SNX10: variants seen among roughly 807,000 people sequenced by gnomAD.
The protein encoded by SNX10 is sorting nexin-10.
A neutral mutation model predicts 28.5 loss-of-function variants in SNX10; 25 were observed. That is an observed-to-expected ratio of 0.88 (90% confidence interval 0.64 to 1.22). SNX10 has a LOEUF of 1.22. Ranked by LOEUF, SNX10 falls within the 50% of genes most tolerant of loss-of-function variation. SNX10 has a pLI of 0.00. For synonymous variants in SNX10, 62 were observed against 81.4 expected, an observed-to-expected ratio of 0.76 and a Z score of 1.28; for missense variants, 223 against 242.6, an observed-to-expected ratio of 0.92 and a Z score of 0.54.
At chr7:26,339,489 G>A (rs1465067300) in intron 1 of SNX10, among the ~76,000 whole-genome samples, 1 of 149,082 alleles carries the variant, frequency 6.7e-6, no homozygotes, top group Non-Finnish European at 1.5e-5. Context: ...AGGCATTTAG[G>A]GTTTTTTTCT....
intron 1 of SNX10, among the ~76,000 whole-genome samples, chr7:26,323,016 G>A (rs985712338): frequency 1.3e-5 from 2 of 152,142 alleles, no homozygotes; most frequent in African/African-American, 4.8e-5. Flanking sequence ...GGGAGTTCGA[G>A]GCAGAAGGAT....
At chr7:26,342,731 T>G (rs1202519743) in intron 1 of SNX10, among the ~76,000 whole-genome samples, 1 of 152,212 alleles carries the variant, frequency 6.6e-6, no homozygotes, top group Non-Finnish European at 1.5e-5. Flanking sequence ...AGGTTGACCA[T>G]GATAGTTCAC....
intron 2 of SNX10, among the ~76,000 whole-genome samples, chr7:26,358,294 G>C (rs1788904232): frequency 6.6e-6 from 1 of 152,128 alleles, no homozygotes; most frequent in Non-Finnish European, 1.5e-5. Context: ...TTCCATCCCT[G>C]GGCAGAATCT....
At chr7:26,306,907 A>G (rs1282468125) in intron 1 of SNX10, among the ~76,000 whole-genome samples, 1 of 152,242 alleles carries the variant, frequency 6.6e-6, no homozygotes, top group African/African-American at 2.4e-5. Context: ...AGATGAGAAC[A>G]CTGAAGCACA....
intron 1 of SNX10, among the ~76,000 whole-genome samples, chr7:26,306,005 G>T (rs144390588): frequency 6.6e-6 from 1 of 151,952 alleles, no homozygotes; most frequent in Non-Finnish European, 1.5e-5. Flanking sequence ...AACGATTCTC[G>T]TGCCTCAGCC....
In SNX10 at chr7:26,317,344, C is replaced by G. The variant is rs79304087; in HGVS notation, c.-24+25258C>G. Among the ~76,000 whole-genome samples, 7 of 152,234 alleles carry G rather than the reference C, an allele frequency of 4.6e-5. No homozygotes were observed. The East Asian group carries it at 1.4e-3, about 29-fold the overall frequency. On this transcript the variant is annotated intron_variant, in intron 1 of 6. Transcript: ENST00000338523. ...TGAATTCCAGCATTGCCCTTGAGCA[C>G]GTTGGTCACTTTGTGGTGATGACCT...
At chr7:26,320,336 G>A (rs936586521) in intron 1 of SNX10, among the ~76,000 whole-genome samples, 1 of 151,988 alleles carries the variant, frequency 6.6e-6, no homozygotes, top group Admixed American at 6.6e-5. Context: ...ATCCTGGAAT[G>A]TACAAAGTAA....
intron 1 of SNX10, among the ~76,000 whole-genome samples, chr7:26,298,824 G>A (rs1364017099): frequency 6.6e-6 from 1 of 152,134 alleles, no homozygotes; most frequent in Non-Finnish European, 1.5e-5. Flanking sequence ...AGCCGCCTTC[G>A]TGCTGCGTCC....
intron 2 of SNX10, 111 bp from the exon 3 acceptor site, chr7:26,360,864 C>T (rs1660099026): frequency 1.3e-6 from 2 of 1,522,222 alleles, no homozygotes; most frequent in East Asian, 2.4e-5. Flanking sequence ...ACAAGTACCA[C>T]ATTGGTTAAA....
intron 1 of SNX10, among the ~76,000 whole-genome samples, chr7:26,326,949 CTT>C (rs34664332): frequency 9.6e-4 from 115 of 119,766 alleles, no homozygotes; most frequent in South Asian, 2.5e-3. Flanking sequence ...TGTTAATTAT[CTT>C]TTTTTTTTTT....
At chr7:26,334,495 C>T (rs976240586) in intron 1 of SNX10, among the ~76,000 whole-genome samples, 2 of 152,198 alleles carry the variant, frequency 1.3e-5, no homozygotes, top group Non-Finnish European at 2.9e-5. Context: ...CAGGTATGTT[C>T]TCAGTGTCTG....
chr7:26,306,412 A>ATTT (rs35204396), intron 1 of SNX10, among the ~76,000 whole-genome samples: 9 of 142,232 alleles, frequency 6.3e-5, no homozygotes, highest in Non-Finnish European at 9.2e-5. Flanking sequence ...CTTGAAGAGA[A>ATTT]TTTTTTTTTT....
At chr7:26,344,334 T>C (rs986988382) in intron 1 of SNX10, among the ~76,000 whole-genome samples, 2 of 151,958 alleles carry the variant, frequency 1.3e-5, no homozygotes, top group African/African-American at 2.4e-5. Context: ...GACTCCCGGA[T>C]AAGTTTTTGT....
intron 2 of SNX10, among the ~76,000 whole-genome samples, chr7:26,356,595 C>T (rs1788829065): frequency 6.6e-6 from 1 of 151,936 alleles, no homozygotes; most frequent in South Asian, 2.1e-4. Flanking sequence ...AGGAGGAGAC[C>T]CATGTGAATT....
chr7:26,305,656 G>A (rs1439317312), intron 1 of SNX10, among the ~76,000 whole-genome samples: 1 of 152,140 alleles, frequency 6.6e-6, no homozygotes, highest in African/African-American at 2.4e-5. Context: ...TCCTATGTTG[G>A]GAAATCAGCT....
Position 26,372,015 on chromosome 7 carries a change from T to C in SNX10, c.506T>C (p.Ile169Thr), listed in dbSNP as rs757115257. The change falls in exon 6 of 7, where the codon ATA becomes ACA. Residue 169 changes from isoleucine (I) to threonine (T), a missense_variant. Ile to Thr is a moderately conservative substitution (Grantham distance 89). Coordinates refer to ENST00000338523, the MANE Select transcript of SNX10 (RefSeq NM_013322.3). ...EDEEGKKEND[I>T]DYDSESSSSG... ...GAAGAAGGAAAAAAAGAAAATGATA[T>C]AGATTATGATTCAGAAAGGTATTTC... is the stretch of plus-strand genomic sequence containing the variant. 5.6e-6 allele frequency: 9 copies of C among 1,603,162 alleles called. No individual in the cohort carries two copies. Among genetic ancestry groups the C allele is most frequent in the South Asian group, 2.2e-5 (2 of 90,786 alleles).
chr7:26,372,153 T>G (rs1425944997), intron 6 of SNX10, 120 bp downstream of exon 6: 3 of 685,868 alleles, frequency 4.4e-6, no homozygotes, highest in African/African-American at 3.8e-5. Context: ...ACTAAGATAA[T>G]GAAAAAATTA....
At chr7:26,335,735 C>CTTTTTTTTTTTTTTTTTTT (rs57340085) in intron 1 of SNX10, among the ~76,000 whole-genome samples, 13 of 84,254 alleles carry the variant, frequency 1.5e-4, no homozygotes, top group Admixed American at 2.9e-4. Flanking sequence ...ATGGAATATT[C>CTTTTTTTTTTTTTTTTTTT]TTTTTTTTTT....
At chr7:26,340,010 T>A (rs10238702) in intron 1 of SNX10, among the ~76,000 whole-genome samples, 30,071 of 152,068 alleles carry the variant, frequency 0.2, 3,528 homozygotes, top group East Asian at 0.44. Flanking sequence ...TGCCGTTTTT[T>A]TTTTAAATAA....
Sources: gnomAD v4.1 joint callset for allele counts (sites outside exome capture counted in the v4.1 genomes callset) on GRCh38, gnomAD v4.1.1 for gene constraint, MANE v1.5 for transcripts, NCBI Gene and HGNC (gene_info 2026-07-23, HGNC 2026-07-21) for gene names.